The following RARS2 variants were observed in gnomAD, a reference collection of about 807,000 sequenced individuals.
RARS2 encodes the protein probable arginine--tRNA ligase, mitochondrial.
In RARS2, 67 loss-of-function variants were observed where a neutral mutation model predicts 88.5. That is an observed-to-expected ratio of 0.76 (90% CI 0.62 to 0.93). RARS2 has a LOEUF of 0.93. Among genes scored for constraint, RARS2 ranks in the 40% least tolerant of loss-of-function variants. The pLI is 0.00. For synonymous variants in RARS2, 239 were observed against 230.3 expected (o/e 1.04, Z -0.34); for missense variants, 664 against 684.2 (o/e 0.97, Z 0.33).
At chr6:87,546,715 T>C (rs1028560072) in intron 6 of RARS2, among the ~76,000 whole-genome samples, 4 of 152,202 alleles carry the variant, frequency 2.6e-5, no homozygotes, top group African/African-American at 4.8e-5. Flanking sequence ...CCATTCAATA[T>C]TCTACAATAA....
intron 1 of RARS2, chr6:87,584,637 A>C: frequency 2.3e-6 from 1 of 427,996 alleles, no homozygotes; most frequent in Admixed American, 2.8e-5. Context: ...CTCCATGGTA[A>C]GCAGGTCTAT....
intron 14 of RARS2, 69 bp from the exon 15 acceptor site, chr6:87,518,960 T>C (rs1036068925): frequency 8.3e-6 from 12 of 1,442,798 alleles, no homozygotes; most frequent in Non-Finnish European, 1.2e-5. Flanking sequence ...CAAGTGAAGG[T>C]AACATCTGCC....
At chr6:87,522,333 T>TAAAAAAAAAAAAAAAA (rs34710568) in intron 11 of RARS2, among the ~76,000 whole-genome samples, 1 of 88,724 alleles carries the variant, frequency 1.1e-5, no homozygotes, top group Non-Finnish European at 2.1e-5. Flanking sequence ...CCGTCTCAAT[T>TAAAAAAAAAAAAAAAA]AAAAAAAAAA....
chr6:87,551,932 TAGAGAGG>T (rs943823630), intron 5 of RARS2, among the ~76,000 whole-genome samples: 1 of 152,060 alleles, frequency 6.6e-6, no homozygotes, highest in African/African-American at 2.4e-5. Context: ...AGAGAGAGAT[TAGAGAGG>T]AAACAGTAAT....
chr6:87,576,720 T>G (rs1040517255), intron 1 of RARS2, among the ~76,000 whole-genome samples: 3 of 152,242 alleles, frequency 2.0e-5, no homozygotes. Flanking sequence ...TATTCTTTTC[T>G]ATGATTAACA....
rs905409766 is a variant in RARS2 at position 87,514,348 on chromosome 6, A to G, written c.*65T>C. On this transcript the variant is annotated 3_prime_UTR_variant, in exon 20 of 20. Coordinates refer to ENST00000369536, the MANE Select transcript of RARS2 (RefSeq NM_020320.5). ...AAAAAAATTTAAATTTATTCTGAAC[A>G]GCAAGGCATCTCAGAATAGATAACT... is the stretch of plus-strand genomic sequence containing the variant. 13 of 1,140,210 alleles carry G rather than the reference A, an allele frequency of 1.1e-5. No individual in the cohort carries two copies. The highest frequency in any genetic ancestry group is 7.7e-5 in the African/African-American group (5 of 64,960). The allele number at this position is 1,140,210 out of a possible 1,614,324, so 70.6% of individuals were successfully genotyped here.
At chr6:87,534,717 A>G (rs565736640) in intron 8 of RARS2, among the ~76,000 whole-genome samples, 3 of 152,286 alleles carry the variant, frequency 2.0e-5, no homozygotes, top group African/African-American at 7.2e-5. Context: ...CTGCCAGGAT[A>G]GAGGAAAGGA....
chr6:87,528,329 C>A (rs759396196), intron 10 of RARS2, among the ~76,000 whole-genome samples: 1 of 151,234 alleles, frequency 6.6e-6, no homozygotes, highest in Non-Finnish European at 1.5e-5. Flanking sequence ...GTTGGTATAG[C>A]CATTATGGAA....
chr6:87,524,615 C>A lies in RARS2; in HGVS notation c.916G>T (p.Asp306Tyr). 3.1e-6 allele frequency: 5 copies of A among 1,613,114 alleles called. No homozygotes were observed. Among genetic ancestry groups the A allele is most frequent in the Non-Finnish European group, 4.2e-6 (5 of 1,179,492 alleles). Reference protein sequence around the residue: ...TAVVDLSGNGDPSSICTVMRS... With the variant: ...TAVVDLSGNGYPSSICTVMRS... ...ATTACAGTACAAATTGAGGAGGGGT[C>A]GCCATTCCCAGAGAGATCTACTACA... The change falls in exon 11 of 20, where the codon GAC becomes TAC. Residue 306 changes from aspartate (D) to tyrosine (Y), a missense_variant. Coordinates refer to ENST00000369536, the MANE Select transcript of RARS2 (RefSeq NM_020320.5).
chr6:87,573,592 T>C (rs1582809533), intron 1 of RARS2, among the ~76,000 whole-genome samples: 1 of 152,322 alleles, frequency 6.6e-6, no homozygotes. Context: ...ATGGTGGTGA[T>C]GGTTGCACAA....
At chr6:87,537,026 T>C (rs1416614160) in intron 8 of RARS2, among the ~76,000 whole-genome samples, 1 of 152,222 alleles carries the variant, frequency 6.6e-6, no homozygotes, top group Non-Finnish European at 1.5e-5. Flanking sequence ...TTAAATATTT[T>C]CATCAAAGAA....
At position 87,564,191 on chromosome 6, in the gene RARS2, T is replaced by C. The variant is rs863224185; in HGVS notation, c.152A>G (p.Glu51Gly). 12 of 1,613,684 alleles carry C rather than the reference T, an allele frequency of 7.4e-6. No individual in the cohort carries two copies. Among genetic ancestry groups the C allele is most frequent in the Middle Eastern group, 1.6e-4 (1 of 6,084 alleles). The part of the protein sequence containing the change: ...DFQLSVDSLL[E>G]KDNDHSRPDI... ...TGGTCTTGAATGGTCATTGTCTTTT[T>C]CCAATAAAGAATCCACAGAAAGCTG... The change falls in exon 3 of 20, where the codon GAA becomes GGA. Residue 51 changes from glutamate (E) to glycine (G), a missense_variant. Physicochemically the swap from Glu to Gly is moderately conservative, Grantham distance 98. Coordinates refer to ENST00000369536, the MANE Select transcript of RARS2 (RefSeq NM_020320.5).
intron 6 of RARS2, 33 bp from the exon 7 acceptor site, chr6:87,545,732 C>T (rs764863785): frequency 6.2e-7 from 1 of 1,602,722 alleles, no homozygotes; most frequent in South Asian, 1.1e-5. Flanking sequence ...GTTTCTCATT[C>T]TTGTTATCCA....
intron 12 of RARS2, 76 bp from the exon 13 acceptor site, chr6:87,520,332 A>ATATC: frequency 8.3e-7 from 1 of 1,206,692 alleles, no homozygotes; most frequent in Non-Finnish European, 1.2e-6. Context: ...CTTGAATCAA[A>ATATC]TTAAGATATT....
chr6:87,583,585 G>T (rs577745179), intron 1 of RARS2, among the ~76,000 whole-genome samples: 33 of 120,860 alleles, frequency 2.7e-4, no homozygotes, highest in African/African-American at 1.0e-3. Flanking sequence ...ACAAAACTGC[G>T]TCTCAAAAAA....
Position 87,569,473 on chromosome 6 carries a change from G to A in RARS2, c.110+44C>T, listed in dbSNP as rs751401749. 3.4e-6 allele frequency: 5 copies of A among 1,476,040 alleles called. No individual in the cohort carries two copies. In the Admixed American group the frequency reaches 5.0e-5, roughly 15 times the overall value. The allele number at this position is 1,476,040 out of a possible 1,614,324, so 91.4% of individuals were successfully genotyped here. A position where few individuals can be genotyped will look rare whatever the true frequency, so the allele number is the denominator to read the frequency against. The stretch of plus-strand genomic sequence containing the variant: ...TTTGCTTTTTTGGTGTATCAACAAA[G>A]TCAGCAACATTTTATAGATTGTTAC... On this transcript the variant is annotated intron_variant, in intron 2 of 19. Transcript: ENST00000369536.
At chr6:87,528,652 C>T (rs188513634) in intron 10 of RARS2, among the ~76,000 whole-genome samples, 1 of 152,244 alleles carries the variant, frequency 6.6e-6, no homozygotes, top group African/African-American at 2.4e-5. Flanking sequence ...AAAACAAATA[C>T]TGTATAGTCT....
Position 87,539,305 on chromosome 6 carries a change from C to T in RARS2, c.612+2613G>A, listed in dbSNP as rs182872518. On this transcript the variant is annotated intron_variant, in intron 8 of 19. Transcript: ENST00000369536. ...TCCCCTTCAAAGACACTTTCCTCCC[C>T]GTCTAATTAAGGACAAATAGTGACT... 1.4e-4 allele frequency among the ~76,000 whole-genome samples: 21 copies of T among 152,200 alleles called. No individual in the cohort carries two copies. In the East Asian group the frequency reaches 3.7e-3, roughly 27 times the overall value.
intron 8 of RARS2, among the ~76,000 whole-genome samples, chr6:87,541,212 T>C (rs1162263984): frequency 3.3e-5 from 5 of 152,230 alleles, no homozygotes; most frequent in African/African-American, 1.2e-4. Flanking sequence ...GGTCTTGCTC[T>C]GTTGTCCAGG....
Sources: gnomAD v4.1 joint callset for allele counts (sites outside exome capture counted in the v4.1 genomes callset) on GRCh38, gnomAD v4.1.1 for gene constraint, MANE v1.5 for transcripts, NCBI Gene and HGNC (gene_info 2026-07-23, HGNC 2026-07-21) for gene names.